The following PHKB variants were observed in gnomAD, a reference collection of about 807,000 sequenced individuals.
The protein encoded by PHKB is phosphorylase kinase regulatory subunit beta.
Under a neutral mutation model 152.1 loss-of-function variants are expected in PHKB, and 122 were observed. The observed-to-expected ratio is 0.80, with a 90% CI of 0.69 to 0.93. The LOEUF is 0.93. PHKB is among the 40% of genes least tolerant of loss of function. PHKB has a pLI of 0.00. For missense variants in PHKB, 1,304 were observed against 1,328.4 expected (o/e 0.98, Z 0.29); for synonymous variants, 436 against 464.9 (o/e 0.94, Z 0.80).
Position 47,503,037 on chromosome 16 carries a change from G to C in PHKB, c.352G>C (p.Ala118Pro), listed in dbSNP as rs121918022. 22 of 1,613,658 alleles carry C rather than the reference G, an allele frequency of 1.4e-5. No individual in the cohort carries two copies. The Admixed American group carries it at 2.2e-4, about 16-fold the overall frequency. ...KGRTHELEHSAIKCMRGILYC... is the reference protein window; with the variant it reads ...KGRTHELEHSPIKCMRGILYC... ...AAGGACCCATGAGCTGGAGCACTCAGCTATAAAATGCATGAGAGGAATTCT... is the reference window on the plus strand; with the variant it reads ...AAGGACCCATGAGCTGGAGCACTCACCTATAAAATGCATGAGAGGAATTCT... The change falls in exon 4 of 31, where the codon GCT becomes CCT. Residue 118 changes from alanine to proline, a missense_variant. Transcript: ENST00000323584.
intron 4 of PHKB, among the ~76,000 whole-genome samples, chr16:47,510,671 G>T (rs1420419027): frequency 6.6e-6 from 1 of 151,970 alleles, no homozygotes; most frequent in African/African-American, 2.4e-5. Context: ...TTTTGGTGAG[G>T]GTTCAAAAAG....
At chr16:47,610,717 G>A (rs1451008051) in intron 13 of PHKB, 109 bp from the exon 14 acceptor site, 25 of 729,406 alleles carry the variant, frequency 3.4e-5, no homozygotes, top group Middle Eastern at 4.9e-4. Flanking sequence ...CATGTACACT[G>A]AGAAAAATGT....
At position 47,610,849 on chromosome 16, in the gene PHKB, G is replaced by A. The variant is rs150683838; in HGVS notation, c.1387G>A (p.Asp463Asn). Reference sequence around the variant, plus strand: ...AGCTGATGAACTTATTAGTCCTAAAGACATTGATCCTGTCCAGCGCTATGT... The same window carrying A: ...AGCTGATGAACTTATTAGTCCTAAAAACATTGATCCTGTCCAGCGCTATGT... ...LLADELISPK[D>N]IDPVQRYVPL... Residue 463 changes from aspartate (D) to asparagine (N), a missense_variant, in exon 14 of 31, where the codon GAC becomes AAC. Physicochemically the swap from Asp to Asn is conservative, Grantham distance 23. Transcript: ENST00000323584. 6.2e-7 allele frequency: 1 copy of A among 1,606,980 alleles called. No individual in the cohort carries two copies. Among genetic ancestry groups the A allele is most frequent in the Non-Finnish European group, 8.5e-7 (1 of 1,173,710 alleles).
At chr16:47,565,050 G>A (rs1971542102) in intron 7 of PHKB, 2 of 426,830 alleles carry the variant, frequency 4.7e-6, no homozygotes, top group South Asian at 1.9e-5. Flanking sequence ...AGGGTGCAGA[G>A]AAAGTAGGAG....
chr16:47,695,729 A>G (rs1310392540), intron 28 of PHKB, among the ~76,000 whole-genome samples: 1 of 152,118 alleles, frequency 6.6e-6, no homozygotes, highest in East Asian at 1.9e-4. Flanking sequence ...CTTCCCTTCC[A>G]TCCTCTGAGG....
intron 7 of PHKB, among the ~76,000 whole-genome samples, chr16:47,553,659 CT>C (rs1971314680): frequency 6.6e-6 from 1 of 152,176 alleles, no homozygotes; most frequent in African/African-American, 2.4e-5. Flanking sequence ...GTTTCTCCCC[CT>C]GTTCGTCGAT....
intron 26 of PHKB, among the ~76,000 whole-genome samples, chr16:47,679,707 A>G (rs558538849): frequency 6.6e-6 from 1 of 152,216 alleles, no homozygotes; most frequent in African/African-American, 2.4e-5. Flanking sequence ...CAGTCATGTC[A>G]TCTGCAAACA....
chr16:47,526,473 T>C (rs948685470), intron 6 of PHKB, among the ~76,000 whole-genome samples: 24 of 151,822 alleles, frequency 1.6e-4, no homozygotes, highest in African/African-American at 5.6e-4. Context: ...AGGTTGAGAG[T>C]TGGGACTGAA....
At chr16:47,694,700 A>G (rs1002312891) in intron 28 of PHKB, among the ~76,000 whole-genome samples, 1 of 152,248 alleles carries the variant, frequency 6.6e-6, no homozygotes, top group Non-Finnish European at 1.5e-5. Context: ...TTACTGTTGA[A>G]GAGCAGCACC....
intron 26 of PHKB, among the ~76,000 whole-genome samples, chr16:47,671,873 A>G (rs1410932661): frequency 6.6e-6 from 1 of 152,158 alleles, no homozygotes; most frequent in East Asian, 1.9e-4. Context: ...GAACAAGATA[A>G]AGTCCTATAT....
chr16:47,627,078 G>A (rs1470795304), intron 14 of PHKB, among the ~76,000 whole-genome samples: 1 of 152,146 alleles, frequency 6.6e-6, no homozygotes. Context: ...ACCACCTGAG[G>A]TGTTTCTAAA....
chr16:47,565,927 G>A, intron 7 of PHKB: 1 of 1,028,412 alleles, frequency 9.7e-7, no homozygotes, highest in Non-Finnish European at 1.4e-6. Context: ...CTTTGTGGGG[G>A]ACCTCTATCA....
chr16:47,547,584 T>A, intron 7 of PHKB, 36 bp downstream of exon 7: 1 of 1,113,326 alleles, frequency 9.0e-7, no homozygotes, highest in Non-Finnish European at 1.4e-6. Context: ...TTTTTTAAAT[T>A]AAATGTATGG....
intron 3 of PHKB, among the ~76,000 whole-genome samples, chr16:47,501,923 G>A (rs1472557379): frequency 6.6e-6 from 1 of 152,054 alleles, no homozygotes; most frequent in African/African-American, 2.4e-5. Flanking sequence ...GACCTCAAGG[G>A]GAAAAGTACT....
At position 47,504,561 on chromosome 16, in the gene PHKB, C is replaced by A. The variant is rs78548237; in HGVS notation, c.405+1471C>A. 2.2e-4 allele frequency among the ~76,000 whole-genome samples: 34 copies of A among 152,344 alleles called. 1 individual carries two copies. The East Asian group carries it at 6.4e-3, about 29-fold the overall frequency. On this transcript the variant is annotated intron_variant, in intron 4 of 30. Transcript: ENST00000323584. ...TCTTTCTGTGGTTAGCAGTCTCAGG[C>A]CTACTATATTAACTCTTTTCAGGAC...
intron 16 of PHKB, among the ~76,000 whole-genome samples, chr16:47,644,330 C>T (rs1973078389): frequency 6.6e-6 from 1 of 152,196 alleles, no homozygotes; most frequent in South Asian, 2.1e-4. Context: ...ATGTGTGGCT[C>T]AGGAGAACAT....
At chr16:47,659,532 C>T (rs1294928232) in intron 20 of PHKB, among the ~76,000 whole-genome samples, 2 of 152,158 alleles carry the variant, frequency 1.3e-5, no homozygotes, top group African/African-American at 2.4e-5. Context: ...GTAGGTTTAT[C>T]ATTCATTTAT....
chr16:47,558,594 GGCTGGA>G (rs1489725407), intron 7 of PHKB, among the ~76,000 whole-genome samples: 1 of 152,168 alleles, frequency 6.6e-6, no homozygotes, highest in African/African-American at 2.4e-5. Flanking sequence ...CTGTTGCTCT[GGCTGGA>G]GTGCAGTGGT....
intron 6 of PHKB, among the ~76,000 whole-genome samples, chr16:47,542,217 C>T (rs530888807): frequency 2.0e-5 from 3 of 152,218 alleles, no homozygotes; most frequent in South Asian, 4.2e-4. Context: ...CAGCTTTCTG[C>T]GTATGGCTAG....
Sources: allele counts gnomAD v4.1 joint callset (sites outside exome capture counted in the v4.1 genomes callset), GRCh38; gene constraint gnomAD v4.1.1; transcripts MANE v1.5; gene names NCBI Gene and HGNC (gene_info 2026-07-23, HGNC 2026-07-21).